SELP: variants seen among roughly 807,000 people sequenced by gnomAD.
SELP encodes P-selectin.
In SELP, 92 loss-of-function variants were observed where a neutral mutation model predicts 104.1. The ratio of observed to expected loss-of-function variants is 0.88; its 90% CI spans 0.75 to 1.05. The LOEUF (loss-of-function observed/expected upper bound fraction) is 1.05. Ranked by LOEUF, SELP falls within the 50% of genes least tolerant of loss-of-function variation. The probability of loss-of-function intolerance (pLI) is 0.00; values close to 1 mark genes in which losing one functional copy is unlikely to be tolerated. For missense variants in SELP, 1,022 were observed against 1,017.3 expected, an observed-to-expected ratio of 1.00 and a Z score of -0.06; for synonymous variants, 397 against 364.5, an observed-to-expected ratio of 1.09 and a Z score of -1.01.
chr1:169,608,882 C>T (rs1296166889), intron 8 of SELP, among the ~76,000 whole-genome samples: 2 of 152,122 alleles, frequency 1.3e-5, no homozygotes, highest in African/African-American at 4.8e-5. Flanking sequence ...AACCACCACA[C>T]CCGCCCCCCA....
rs891853059 is a variant in SELP, at chr1:169,607,817, G to C, written c.1334-683C>G. 5.9e-5 allele frequency among the ~76,000 whole-genome samples: 9 copies of C among 152,278 alleles called. No homozygotes were observed. The South Asian group carries it at 1.0e-3, about 18-fold the overall frequency. ...AGCTGCTATATTAGTAGCAGTGGTAGTAATAGATAGTAATAATATCATTAA... is the reference window on the plus strand; with the variant it reads ...AGCTGCTATATTAGTAGCAGTGGTACTAATAGATAGTAATAATATCATTAA... On this transcript the variant is annotated intron_variant, in intron 8 of 16. Coordinates refer to ENST00000263686, the MANE Select transcript of SELP (RefSeq NM_003005.4).
intron 8 of SELP, among the ~76,000 whole-genome samples, 157 bp downstream of exon 8, chr1:169,609,347 C>T (rs553334423): frequency 3.6e-4 from 55 of 152,266 alleles, no homozygotes; most frequent in African/African-American, 7.9e-4. Context: ...CTTCACGCAC[C>T]GTTTCATCTC....
intron 15 of SELP, among the ~76,000 whole-genome samples, chr1:169,590,596 C>T (rs913790651): frequency 2.0e-5 from 3 of 151,850 alleles, no homozygotes; most frequent in East Asian, 1.9e-4. Flanking sequence ...AGAGTTCTTC[C>T]GATATTGAGT....
At chr1:169,601,456 T>C (rs1439301657) in intron 10 of SELP, among the ~76,000 whole-genome samples, 2 of 152,248 alleles carry the variant, frequency 1.3e-5, no homozygotes, top group East Asian at 3.8e-4. Flanking sequence ...ATTAATCTAG[T>C]GCTCATTCCA....
intron 10 of SELP, among the ~76,000 whole-genome samples, chr1:169,600,493 C>G (rs1661849235): frequency 6.6e-6 from 1 of 152,174 alleles, no homozygotes; most frequent in African/African-American, 2.4e-5. Context: ...TACTGAGGAA[C>G]AACTAGGCAG....
intron 7 of SELP, among the ~76,000 whole-genome samples, chr1:169,610,560 G>T (rs1662468461): frequency 6.6e-6 from 1 of 152,124 alleles, no homozygotes; most frequent in Non-Finnish European, 1.5e-5. Context: ...ACTTTGAGAG[G>T]CTGATGTGAG....
At chr1:169,625,064 A>G (rs565603398) in intron 1 of SELP, among the ~76,000 whole-genome samples, 1 of 152,048 alleles carries the variant, frequency 6.6e-6, no homozygotes, top group Non-Finnish European at 1.5e-5. Context: ...TTCCTCTTAT[A>G]GCTAAACTTT....
intron 3 of SELP, among the ~76,000 whole-genome samples, 161 bp from the exon 4 acceptor site, chr1:169,613,854 A>T (rs1050929349): frequency 2.0e-5 from 3 of 152,214 alleles, no homozygotes; most frequent in African/African-American, 7.2e-5. Flanking sequence ...GTCCCTTGTG[A>T]AAAGCATTGT....
At chr1:169,609,736 G>A (rs755647550) in intron 7 of SELP, 47 bp from the exon 8 acceptor site, 5 of 1,541,654 alleles carry the variant, frequency 3.2e-6, no homozygotes, top group South Asian at 1.2e-5. Context: ...GAAGGGCCGG[G>A]TTCTTCCTCA....
At chr1:169,617,847 G>A (rs1389386773) in intron 2 of SELP, among the ~76,000 whole-genome samples, 1 of 152,222 alleles carries the variant, frequency 6.6e-6, no homozygotes, top group Non-Finnish European at 1.5e-5. Flanking sequence ...GAGCCTACCA[G>A]TTGGTCCAGC....
rs972489417 is a variant in SELP at position 169,603,325 on chromosome 1, G to C, written c.1520-114C>G. 1,784 of 705,972 alleles carry C rather than the reference G, an allele frequency of 2.5e-3. 40 individuals carry two copies. In the African/African-American group the frequency reaches 0.026, roughly 10 times the overall value. The allele number at this position is 705,972 out of a possible 1,614,324, so 43.7% of individuals were successfully genotyped here. On this transcript the variant is annotated intron_variant, in intron 9 of 16. Transcript: ENST00000263686. ...TCTCTCTCTGTGTGTGTGTGTGTGT[G>C]TGTGTGTGTGTGTGTGTGTGTGTGA...
intron 1 of SELP, 128 bp downstream of exon 1, chr1:169,629,944 A>T: frequency 1.7e-6 from 2 of 1,188,012 alleles, no homozygotes; most frequent in Non-Finnish European, 2.5e-6. Flanking sequence ...AAAATCTAAT[A>T]GGCAATTCAA....
chr1:169,590,791 T>C (rs1210596235), intron 15 of SELP, among the ~76,000 whole-genome samples: 1 of 151,338 alleles, frequency 6.6e-6, no homozygotes. Context: ...CTGTCCCTTT[T>C]TGAAAACTAT....
At chr1:169,594,028 G>A (rs1216351652) in intron 13 of SELP, among the ~76,000 whole-genome samples, 1 of 152,100 alleles carries the variant, frequency 6.6e-6, no homozygotes. Flanking sequence ...GCCTATACAT[G>A]TAAGTATGGG....
chr1:169,606,903 C>T (rs1662230781), intron 9 of SELP, 46 bp downstream of exon 9: 1 of 1,553,536 alleles, frequency 6.4e-7, no homozygotes, highest in African/African-American at 1.4e-5. Flanking sequence ...TTTAAAAATA[C>T]TGCCTACAAT....
chr1:169,597,312 A>G (rs993844655), intron 10 of SELP, 136 bp from the exon 11 acceptor site: 3 of 687,660 alleles, frequency 4.4e-6, no homozygotes, highest in African/African-American at 1.9e-5. Context: ...AGGCAGCAGC[A>G]TTCCACAACA....
At chr1:169,620,379 CTT>C (rs10603647) in intron 1 of SELP, among the ~76,000 whole-genome samples, 26,611 of 130,006 alleles carry the variant, frequency 0.2, 3,110 homozygotes, top group Middle Eastern at 0.3. Flanking sequence ...TTCCACTGTA[CTT>C]TTTTTTTTTT....
At chr1:169,605,617 T>G (rs996358953) in intron 9 of SELP, among the ~76,000 whole-genome samples, 1 of 152,172 alleles carries the variant, frequency 6.6e-6, no homozygotes, top group African/African-American at 2.4e-5. Context: ...GTGAAAGGTA[T>G]GGCAAATAAT....
intron 1 of SELP, among the ~76,000 whole-genome samples, chr1:169,624,435 T>A (rs1036240849): frequency 3.9e-5 from 6 of 152,118 alleles, no homozygotes; most frequent in African/African-American, 1.4e-4. Flanking sequence ...TTAAGTACCA[T>A]GATTATCTTT....
Sources: allele counts gnomAD v4.1 joint callset (sites outside exome capture counted in the v4.1 genomes callset), GRCh38; gene constraint gnomAD v4.1.1; transcripts MANE v1.5; gene names NCBI Gene and HGNC (gene_info 2026-07-23, HGNC 2026-07-21).